Variants in CTNND2 observed in about 807,000 individuals in gnomAD.
CTNND2 encodes catenin delta 2.
CTNND2 carries 22 observed loss-of-function variants against 144.4 expected under a neutral mutation model. The observed-to-expected ratio is 0.15, with a 90% CI of 0.11 to 0.22. The LOEUF (loss-of-function observed/expected upper bound fraction) is 0.22, where lower values mean the gene tolerates loss of function less well. Among genes scored for constraint, CTNND2 ranks in the 10% least tolerant of loss-of-function variants. The probability of loss-of-function intolerance (pLI) is 1.00; values close to 1 mark genes in which losing one functional copy is unlikely to be tolerated. For synonymous variants in CTNND2, 751 were observed against 695.6 expected, an observed-to-expected ratio of 1.08 and a Z score of -1.25; for missense variants, 1,353 against 1,618.8, an observed-to-expected ratio of 0.84 and a Z score of 2.82.
intron 11 of CTNND2, among the ~76,000 whole-genome samples, chr5:11,184,082 A>G (rs1195003211): frequency 6.6e-6 from 1 of 152,216 alleles, no homozygotes; most frequent in Non-Finnish European, 1.5e-5. Flanking sequence ...TTGGTTAATA[A>G]AAGTGTTTCT....
chr5:11,606,340 G>A (rs1410759750), intron 2 of CTNND2, among the ~76,000 whole-genome samples: 3 of 152,134 alleles, frequency 2.0e-5, no homozygotes, highest in Non-Finnish European at 4.4e-5. Flanking sequence ...TACATAAACT[G>A]GTGTTGTCTT....
intron 11 of CTNND2, 103 bp from the exon 12 acceptor site, chr5:11,159,862 A>C: frequency 2.2e-6 from 2 of 902,688 alleles, no homozygotes; most frequent in Non-Finnish European, 3.4e-6. Context: ...GGAAGGATGA[A>C]AATACTGTGG....
intron 9 of CTNND2, among the ~76,000 whole-genome samples, chr5:11,242,398 T>C (rs1742543199): frequency 6.6e-6 from 1 of 152,240 alleles, no homozygotes; most frequent in African/African-American, 2.4e-5. Context: ...TAAAACTATG[T>C]TGCCTGCTAT....
rs555737757 is a variant in CTNND2, at chr5:11,490,132, T to G, written c.287+74812A>C. 3.7e-4 allele frequency among the ~76,000 whole-genome samples: 56 copies of G among 152,346 alleles called. No individual in the cohort carries two copies. In the South Asian group the frequency reaches 9.5e-3, roughly 26 times the overall value. ...TGTCTTTATTGTTTTAACATTTGGC[T>G]TTTTGCTACACAGAGCTTGCAACCA... On this transcript the variant is annotated intron_variant, in intron 3 of 21. Transcript: ENST00000304623.
intron 3 of CTNND2, among the ~76,000 whole-genome samples, chr5:11,495,469 A>G (rs745402063): frequency 2.6e-5 from 4 of 152,190 alleles, no homozygotes; most frequent in South Asian, 2.1e-4. Context: ...AAAGCTAACT[A>G]TGTGAGCCAC....
intron 2 of CTNND2, among the ~76,000 whole-genome samples, chr5:11,691,585 A>T (rs1784911839): frequency 6.6e-6 from 1 of 151,964 alleles, no homozygotes; most frequent in Admixed American, 6.6e-5. Flanking sequence ...TATATATTTT[A>T]AAAGAAACTT....
intron 16 of CTNND2, among the ~76,000 whole-genome samples, chr5:11,039,588 C>T (rs1177037053): frequency 6.6e-6 from 1 of 152,084 alleles, no homozygotes; most frequent in African/African-American, 2.4e-5. Context: ...CTTTTATAAT[C>T]TGCCTGTTGT....
chr5:11,138,485 T>C (rs1173964705), intron 12 of CTNND2, among the ~76,000 whole-genome samples: 2 of 152,180 alleles, frequency 1.3e-5, no homozygotes, highest in Non-Finnish European at 2.9e-5. Flanking sequence ...ACTGGGTCAG[T>C]GCGTGTCCTG....
intron 9 of CTNND2, among the ~76,000 whole-genome samples, chr5:11,253,115 T>A (rs555092939): frequency 1.3e-5 from 2 of 152,252 alleles, no homozygotes; most frequent in Admixed American, 6.5e-5. Context: ...GAATAAAAGG[T>A]CATACCTGAA....
In CTNND2 at chr5:11,199,525, T is replaced by C; in HGVS notation, c.1898A>G (p.Lys633Arg). 1 of 1,614,226 alleles carries C rather than the reference T, an allele frequency of 6.2e-7. No homozygotes were observed. Residue 633 changes from lysine to arginine, a missense_variant, in exon 11 of 22, where the codon AAA becomes AGA. Coordinates refer to ENST00000304623, the MANE Select transcript of CTNND2 (RefSeq NM_001332.4). ...KANDDNKIAL[K>R]NCGGIPALVR... ...CAGTGCTGGGATGCCACCACAGTTTTTCAGGGCAATTTTGTTATCATCGTT... is the reference window on the plus strand; with the variant it reads ...CAGTGCTGGGATGCCACCACAGTTTCTCAGGGCAATTTTGTTATCATCGTT...
intron 11 of CTNND2, among the ~76,000 whole-genome samples, chr5:11,180,093 C>T (rs894620215): frequency 6.6e-5 from 10 of 152,128 alleles, no homozygotes; most frequent in African/African-American, 2.4e-4. Context: ...TTGTAAGCCC[C>T]ATGTGTTGAG....
chr5:11,797,784 T>C (rs951591264), intron 1 of CTNND2, among the ~76,000 whole-genome samples: 1 of 152,238 alleles, frequency 6.6e-6, no homozygotes, highest in Non-Finnish European at 1.5e-5. Flanking sequence ...TGTATATGAA[T>C]AGTCTAAATT....
Position 11,465,368 on chromosome 5 carries a change from T to C in CTNND2, c.288-53299A>G, listed in dbSNP as rs185420726. Among the ~76,000 whole-genome samples, 186 of 151,874 alleles carry C rather than the reference T, an allele frequency of 1.2e-3. No homozygotes were observed. The Middle Eastern group carries it at 0.02, about 17-fold the overall frequency. On this transcript the variant is annotated intron_variant, in intron 3 of 21. Transcript: ENST00000304623. ...ATTTTCAGAAGTTGAGCACAGTTAA[T>C]GGGTTGCTCAGAATTATTGTGGATA... is the stretch of plus-strand genomic sequence containing the variant.
At chr5:11,758,380 C>A (rs1789068352) in intron 1 of CTNND2, among the ~76,000 whole-genome samples, 1 of 151,622 alleles carries the variant, frequency 6.6e-6, no homozygotes, top group South Asian at 2.1e-4. Flanking sequence ...ACTGTTTTAC[C>A]AATATTAAAA....
intron 2 of CTNND2, among the ~76,000 whole-genome samples, chr5:11,625,704 C>T (rs1581627978): frequency 6.6e-6 from 1 of 152,046 alleles, no homozygotes; most frequent in East Asian, 1.9e-4. Flanking sequence ...AGTTTCAAAA[C>T]ACCTGTCTGA....
At chr5:11,112,869 G>A (rs1753147851) in intron 13 of CTNND2, among the ~76,000 whole-genome samples, 2 of 152,154 alleles carry the variant, frequency 1.3e-5, no homozygotes, top group African/African-American at 2.4e-5. Flanking sequence ...CAGGCTGGGC[G>A]CGGTGGCTCA....
At chr5:11,338,284 C>A (rs770614680) in intron 9 of CTNND2, among the ~76,000 whole-genome samples, 3 of 152,194 alleles carry the variant, frequency 2.0e-5, no homozygotes, top group Non-Finnish European at 1.5e-5. Context: ...CCCAGAATGC[C>A]TGGAGCCCAC....
At chr5:11,774,672 A>G (rs1200160188) in intron 1 of CTNND2, among the ~76,000 whole-genome samples, 2 of 151,992 alleles carry the variant, frequency 1.3e-5, no homozygotes, top group East Asian at 1.9e-4. Flanking sequence ...TATGTATCTC[A>G]GTCTTGATTT....
At chr5:11,588,773 T>C (rs1046529278) in intron 2 of CTNND2, 23 of 985,236 alleles carry the variant, frequency 2.3e-5, no homozygotes, top group African/African-American at 1.0e-4. Context: ...CCTTAAATAC[T>C]TGAAAACTGT....
Sources: gnomAD v4.1 joint callset for allele counts (sites outside exome capture counted in the v4.1 genomes callset) on GRCh38, gnomAD v4.1.1 for gene constraint, MANE v1.5 for transcripts, NCBI Gene and HGNC (gene_info 2026-07-23, HGNC 2026-07-21) for gene names.